CCDC47: variants seen among roughly 807,000 people sequenced by gnomAD.
CCDC47 encodes the protein PAT complex subunit CCDC47.
Under a neutral mutation model 60.5 loss-of-function variants are expected in CCDC47, and 41 were observed. The ratio of observed to expected loss-of-function variants is 0.68; its 90% CI spans 0.53 to 0.88. The LOEUF is 0.88. CCDC47 is among the 40% of genes least tolerant of loss of function. The pLI, the probability that CCDC47 is intolerant of heterozygous loss-of-function variation, is 0.00. For synonymous variants in CCDC47, 195 were observed against 190.7 expected (o/e 1.02, Z -0.18); for missense variants, 513 against 580.9 (o/e 0.88, Z 1.20).
At chr17:63,766,787 A>G in intron 1 of CCDC47, 1 of 963,392 alleles carries the variant, frequency 1.0e-6, no homozygotes, top group Non-Finnish European at 1.2e-6. Context: ...TAGAGTATTC[A>G]ATAAGCATTT....
At chr17:63,767,858 T>C (rs1232204370) in intron 1 of CCDC47, among the ~76,000 whole-genome samples, 1 of 152,216 alleles carries the variant, frequency 6.6e-6, no homozygotes, top group Non-Finnish European at 1.5e-5. Flanking sequence ...ATCACATTTT[T>C]CCAGTCTTGC....
intron 3 of CCDC47, 62 bp from the exon 4 acceptor site, chr17:63,764,252 T>G: frequency 8.1e-7 from 1 of 1,235,874 alleles, no homozygotes. Context: ...ATCTACCTCA[T>G]GGCAGGAAGA....
Position 63,766,113 on chromosome 17 carries a change from C to T in CCDC47, c.63G>A (p.Lys21=). The change falls in exon 2 of 13, where the codon AAG becomes AAA. Residue 21 remains lysine, a synonymous_variant. Coordinates refer to ENST00000225726, the MANE Select transcript of CCDC47 (RefSeq NM_020198.3). ...LLVFGSVSEA[K]FDDFEDEEDI... ...CCTCCTCATCCTCAAAATCATCAAACTTGGCTTCAGAGACACTCCCAAACA... is the reference window on the plus strand; with the variant it reads ...CCTCCTCATCCTCAAAATCATCAAATTTGGCTTCAGAGACACTCCCAAACA... The T allele has an allele frequency of 6.2e-7, 1 of 1,614,028 alleles. No individual in the cohort carries two copies. Among genetic ancestry groups the T allele is most frequent in the Non-Finnish European group, 8.5e-7 (1 of 1,179,988 alleles).
intron 1 of CCDC47, among the ~76,000 whole-genome samples, chr17:63,769,965 T>C (rs1218005676): frequency 2.0e-5 from 3 of 148,764 alleles, no homozygotes; most frequent in South Asian, 2.1e-4. Context: ...TTCTTTCTTT[T>C]TTTTTTTTTT....
Position 63,752,410 on chromosome 17 carries a change from A to C in CCDC47, c.1113T>G (p.Thr371=). ...FTFNVPGSGN[T]YPKDMEALLP... ...GCAGTGCCTCCATATCCTTTGGGTAAGTGTTACCTGAGCCAGGCACTGGAA... is the reference window on the plus strand; with the variant it reads ...GCAGTGCCTCCATATCCTTTGGGTACGTGTTACCTGAGCCAGGCACTGGAA... The change falls in exon 11 of 13, where the codon ACT becomes ACG. Residue 371 remains threonine, a synonymous_variant. Coordinates refer to ENST00000225726, the MANE Select transcript of CCDC47 (RefSeq NM_020198.3). 2 of 1,612,752 alleles carry C rather than the reference A, an allele frequency of 1.2e-6. No homozygotes were observed. Among genetic ancestry groups the C allele is most frequent in the South Asian group, 2.2e-5 (2 of 90,900 alleles).
intron 6 of CCDC47, among the ~76,000 whole-genome samples, chr17:63,760,567 G>A (rs1001308574): frequency 3.3e-5 from 5 of 152,310 alleles, no homozygotes; most frequent in African/African-American, 1.2e-4. Flanking sequence ...GGGAAAGCGT[G>A]ATGGCTCACG....
chr17:63,764,873 T>G, intron 2 of CCDC47, 26 bp from the exon 3 acceptor site: 1 of 1,602,844 alleles, frequency 6.2e-7, no homozygotes, highest in Non-Finnish European at 8.5e-7. Flanking sequence ...ATCATCCGTT[T>G]TCCTCTACAA....
chr17:63,753,118 A>G (rs960916726), intron 9 of CCDC47: 1 of 380,286 alleles, frequency 2.6e-6, no homozygotes, highest in Non-Finnish European at 3.6e-6. Context: ...CATATTTTAG[A>G]TACATTTTTG....
intron 12 of CCDC47, chr17:63,751,635 A>C: frequency 1.9e-6 from 1 of 523,808 alleles, no homozygotes; most frequent in South Asian, 3.1e-5. Flanking sequence ...GCCTTCTATT[A>C]AAATTTCTAA....
Position 63,766,089 on chromosome 17 carries a change from C to T in CCDC47, c.87G>A (p.Glu29=). Residue 29 remains glutamate (E), a synonymous_variant, in exon 2 of 13, where the codon GAG becomes GAA. Coordinates refer to ENST00000225726, the MANE Select transcript of CCDC47 (RefSeq NM_020198.3). ...EAKFDDFEDE[E]DIVEYDDNDF... ...CATTATCATCATACTCTACTATGTC[C>T]TCCTCATCCTCAAAATCATCAAACT... 1.2e-6 allele frequency: 2 copies of T among 1,613,966 alleles called. No individual in the cohort carries two copies. The highest frequency in any genetic ancestry group is 2.7e-5 in the African/African-American group (2 of 74,992).
At chr17:63,756,743 A>G (rs1290375168) in intron 6 of CCDC47, among the ~76,000 whole-genome samples, 173 bp from the exon 7 acceptor site, 1 of 152,320 alleles carries the variant, frequency 6.6e-6, no homozygotes, top group East Asian at 1.9e-4. Flanking sequence ...GTTTTATGGC[A>G]GAAGGTCCCT....
At chr17:63,749,825 C>T (rs2039149277) in intron 12 of CCDC47, among the ~76,000 whole-genome samples, 1 of 151,792 alleles carries the variant, frequency 6.6e-6, no homozygotes, top group South Asian at 2.1e-4. Flanking sequence ...CACAGTGGCT[C>T]ACACCTGTAT....
chr17:63,765,070 T>C (rs1338121276), intron 2 of CCDC47: 2 of 510,148 alleles, frequency 3.9e-6, no homozygotes, highest in African/African-American at 2.1e-5. Flanking sequence ...TTAATAATAA[T>C]GTATTGTAGA....
intron 6 of CCDC47, among the ~76,000 whole-genome samples, chr17:63,757,376 T>TAAAAA (rs200173061): frequency 7.6e-6 from 1 of 131,570 alleles, no homozygotes; most frequent in African/African-American, 2.9e-5. Flanking sequence ...CAAAAAAAAT[T>TAAAAA]AAAAAAAAAA....
chr17:63,772,215 G>A (rs2039348497), intron 1 of CCDC47, among the ~76,000 whole-genome samples: 1 of 151,368 alleles, frequency 6.6e-6, no homozygotes, highest in Non-Finnish European at 1.5e-5. Context: ...GCCTCTTAGG[G>A]CTGCAGTGGG....
At chr17:63,747,205 G>A in intron 12 of CCDC47, 1 of 984,412 alleles carries the variant, frequency 1.0e-6, no homozygotes, top group Non-Finnish European at 1.2e-6. Context: ...TCTCAGTTTT[G>A]AAAGAAACTA....
rs113974104 is a variant in CCDC47, at chr17:63,761,227, T to C, written c.669+3A>G. 2 of 1,614,026 alleles carry C rather than the reference T, an allele frequency of 1.2e-6. No homozygotes were observed. The highest frequency in any genetic ancestry group is 2.7e-5 in the African/African-American group (2 of 74,910). On this transcript the variant is annotated splice_donor_region_variant and intron_variant, in intron 5 of 12. Transcript: ENST00000225726. ...TATATCGTACAAGAAGTTTCCTACTTACCCTCAGCTGGATAAGCATGCCCT... is the reference window on the plus strand; with the variant it reads ...TATATCGTACAAGAAGTTTCCTACTCACCCTCAGCTGGATAAGCATGCCCT...
chr17:63,747,026 G>A (rs2039125507), intron 12 of CCDC47, 65 bp from the exon 13 acceptor site: 2 of 1,569,836 alleles, frequency 1.3e-6, no homozygotes, highest in African/African-American at 2.7e-5. Context: ...AATTAAGCTT[G>A]AAACATATGT....
chr17:63,769,461 A>G (rs1488141090), intron 1 of CCDC47, among the ~76,000 whole-genome samples: 5 of 151,412 alleles, frequency 3.3e-5, no homozygotes, highest in Non-Finnish European at 7.4e-5. Flanking sequence ...TAAAAATACA[A>G]AAATTAGCCG....
Sources: gnomAD v4.1 joint callset for allele counts (sites outside exome capture counted in the v4.1 genomes callset) on GRCh38, gnomAD v4.1.1 for gene constraint, MANE v1.5 for transcripts, NCBI Gene and HGNC (gene_info 2026-07-23, HGNC 2026-07-21) for gene names.